The following KAT2A variants were observed in gnomAD, a reference collection of about 807,000 sequenced individuals.
KAT2A encodes histone acetyltransferase KAT2A.
A neutral mutation model predicts 95.2 loss-of-function variants in KAT2A; 42 were observed. The ratio of observed to expected loss-of-function variants is 0.44; its 90% CI spans 0.34 to 0.57. The LOEUF (loss-of-function observed/expected upper bound fraction) is 0.57, where lower values mean the gene tolerates loss of function less well. Among genes scored for constraint, KAT2A ranks in the 20% least tolerant of loss-of-function variants. KAT2A has a pLI of 0.01. For missense variants in KAT2A, 784 were observed against 1,126.3 expected (o/e 0.70, Z 4.35); for synonymous variants, 449 against 448.2 (o/e 1.00, Z -0.02).
rs1317710397 is a variant in KAT2A at position 42,114,256 on chromosome 17, A to G, written c.2198T>C (p.Leu733Pro). Residue 733 changes from leucine to proline, a missense_variant, in exon 16 of 18, where the codon CTC (leucine) becomes CCC (proline). This residue lies in a region of KAT2A where 195 missense variants were observed against 247.1 expected (regional missense o/e 0.79). Coordinates refer to ENST00000225916, the MANE Select transcript of KAT2A (RefSeq NM_021078.3). The surrounding 1 kb of genome is among the most constrained non-coding windows in gnomAD (Gnocchi z 6.0). ...CAGCAGGTTTTTGAGGGTTGTGTAG[A>G]GCTGGTCGGGGTCCTTCAGCTCCTT... Reference protein sequence around the residue: ...KGKELKDPDQLYTTLKNLLAQ... With the variant: ...KGKELKDPDQPYTTLKNLLAQ... 2 of 1,608,466 alleles carry G rather than the reference A, an allele frequency of 1.2e-6. No homozygotes were observed. Among genetic ancestry groups the G allele is most frequent in the Non-Finnish European group, 1.7e-6 (2 of 1,176,646 alleles).
At position 42,114,955 on chromosome 17, in the gene KAT2A, C is replaced by T; in HGVS notation, c.1956G>A (p.Glu652=). Residue 652 remains glutamate (E), a synonymous_variant, in exon 13 of 18, where the codon GAG becomes GAA. Transcript: ENST00000225916. This position sits in a 1 kb window ranked among gnomAD's most constrained non-coding sequence, Gnocchi z 6.0. ...IKDYEGATLM[E]CELNPRIPYT... is the part of the protein sequence containing the mutation. ...AGGGGATGCGGGGATTCAGCTCACA[C>T]TCCATCAGCGTCGCTCCCTCGTAGT... is the stretch of plus-strand genomic sequence containing the variant. The T allele has an allele frequency of 6.2e-7, 1 of 1,614,072 alleles. No individual in the cohort carries two copies. The highest frequency in any genetic ancestry group is 8.5e-7 in the Non-Finnish European group (1 of 1,179,972).
Position 42,117,190 on chromosome 17 carries a change from C to T in KAT2A, c.1638-29G>A, listed in dbSNP as rs1440095734. On this transcript the variant is annotated intron_variant, in intron 10 of 17. Transcript: ENST00000225916. The surrounding 1 kb of genome is among the most constrained non-coding windows in gnomAD (Gnocchi z 8.9). ...AGAGAGAGGGGGGCATGTCATAGCC[C>T]CTGACTGTCCCCTTCAGGTCCCCAG... The T allele has an allele frequency of 1.2e-5, 19 of 1,612,678 alleles. No homozygotes were observed. Among genetic ancestry groups the T allele is most frequent in the African/African-American group, 4.0e-5 (3 of 74,916 alleles).
In KAT2A at chr17:42,120,663, A is replaced by G. The variant is rs530120391; in HGVS notation, c.463+43T>C. 34 of 1,611,316 alleles carry G rather than the reference A, an allele frequency of 2.1e-5. 1 individual carries two copies. The South Asian group carries it at 3.7e-4, about 18-fold the overall frequency. ...GCACTTGTCACCCTGTCCAAGCAGGACCCAGCACCTGCCCCCAGCTCCAAG... is the reference window on the plus strand; with the variant it reads ...GCACTTGTCACCCTGTCCAAGCAGGGCCCAGCACCTGCCCCCAGCTCCAAG... On this transcript the variant is annotated intron_variant, in intron 2 of 17. Coordinates refer to ENST00000225916, the MANE Select transcript of KAT2A (RefSeq NM_021078.3).
rs1555665203 is a variant in KAT2A, at chr17:42,113,772, C to T, written c.2391G>A (p.Leu797=). ...CGCGACAGTTGGCGATGACCCGCTG[C>T]AGGTCGGCCACAAAGAGCTTCCGGG... is the stretch of plus-strand genomic sequence containing the variant. ...YVTRKLFVAD[L]QRVIANCREY... The change falls in exon 18 of 18, where the codon CTG becomes CTA. Residue 797 remains leucine (L), a synonymous_variant. Transcript: ENST00000225916. 1.9e-6 allele frequency: 3 copies of T among 1,610,250 alleles called. No homozygotes were observed. Among genetic ancestry groups the T allele is most frequent in the Non-Finnish European group, 2.5e-6 (3 of 1,178,676 alleles).
chr17:42,117,977 G>A lies in KAT2A; in HGVS notation c.1221C>T (p.Phe407=). The part of the protein sequence containing the change: ...SAAVVPSTPI[F]SPSMGGGSNS... ...TGCTGCCCCCACCCATGCTGGGGCTGAAGATGGGGGTGCTGGGAACAACCG... is the reference window on the plus strand; with the variant it reads ...TGCTGCCCCCACCCATGCTGGGGCTAAAGATGGGGGTGCTGGGAACAACCG... Residue 407 remains phenylalanine, a synonymous_variant, in exon 8 of 18, where the codon TTC becomes TTT. Coordinates refer to ENST00000225916, the MANE Select transcript of KAT2A (RefSeq NM_021078.3). The surrounding 1 kb of genome is among the most constrained non-coding windows in gnomAD (Gnocchi z 8.9). 6.2e-7 allele frequency: 1 copy of A among 1,607,980 alleles called. No individual in the cohort carries two copies. Among genetic ancestry groups the A allele is most frequent in the South Asian group, 1.1e-5 (1 of 90,502 alleles).
At position 42,121,103 on chromosome 17, in the gene KAT2A, C is replaced by T. The variant is rs782745282; in HGVS notation, c.202G>A (p.Gly68Arg). Residue 68 changes from glycine to arginine, a missense_variant, in exon 1 of 18, where the codon GGG (glycine) becomes AGG (arginine). Gly to Arg is a moderately radical substitution (Grantham distance 125). Transcript: ENST00000225916. ...TGTGGPGVGS[G>R]GAGSGGDPAR... ...GGATCCCCCCCGCTCCCGGCCCCCCCACTTCCTACCCCGGGCCCCCCAGTC... is the reference window on the plus strand; with the variant it reads ...GGATCCCCCCCGCTCCCGGCCCCCCTACTTCCTACCCCGGGCCCCCCAGTC... 59 of 1,532,226 alleles carry T rather than the reference C, an allele frequency of 3.9e-5. No homozygotes were observed. Among genetic ancestry groups the T allele is most frequent in the Non-Finnish European group, 4.9e-5 (56 of 1,140,632 alleles). The allele number at this position is 1,532,226 out of a possible 1,614,324, so 94.9% of individuals were successfully genotyped here. A position where few individuals can be genotyped will look rare whatever the true frequency, so the allele number is the denominator to read the frequency against.
At position 42,119,397 on chromosome 17, in the gene KAT2A, G is replaced by A. The variant is rs2054304586; in HGVS notation, c.921C>T (p.Ser307=). ...CATGAGTGGTTTCGTAGCGGGGGAG[G>A]CTATCACAGCTCTGGGGCACGTGGC... ...CYCHVPQSCD[S]LPRYETTHVF... Residue 307 remains serine (S), a synonymous_variant, in exon 6 of 18, where the codon AGC becomes AGT. Coordinates refer to ENST00000225916, the MANE Select transcript of KAT2A (RefSeq NM_021078.3). This position sits in a 1 kb window ranked among gnomAD's most constrained non-coding sequence, Gnocchi z 5.3. 3 of 1,613,834 alleles carry A rather than the reference G, an allele frequency of 1.9e-6. No homozygotes were observed. The African/African-American group carries it at 4.0e-5, about 22-fold the overall frequency.
chr17:42,119,351 G>A lies in KAT2A; in HGVS notation c.967C>T (p.Arg323Trp), dbSNP rs1555666795. The A allele has an allele frequency of 2.5e-6, 4 of 1,614,096 alleles. No homozygotes were observed. The highest frequency in any genetic ancestry group is 2.2e-5 in the East Asian group (1 of 44,882). ...CGGCGGGTAACGGTGAAAATGGACCGGAGAAGGCTTCGCCCAAAGACATGA... is the reference window on the plus strand; with the variant it reads ...CGGCGGGTAACGGTGAAAATGGACCAGAGAAGGCTTCGCCCAAAGACATGA... Reference protein sequence around the residue: ...TTHVFGRSLLRSIFTVTRRQL... With the variant: ...TTHVFGRSLLWSIFTVTRRQL... Residue 323 changes from arginine to tryptophan, a missense_variant, in exon 6 of 18, where the codon CGG (arginine) becomes TGG (tryptophan). This residue lies in a region of KAT2A where 208 missense variants were observed against 339.7 expected (regional missense o/e 0.61). Transcript: ENST00000225916. The surrounding 1 kb of genome is among the most constrained non-coding windows in gnomAD (Gnocchi z 5.3).
chr17:42,113,568 G>T lies in KAT2A; in HGVS notation c.*81C>A. On this transcript the variant is annotated 3_prime_UTR_variant, in exon 18 of 18. Transcript: ENST00000225916. ...GTGTCTCAAGCTGAGTCGGGTCCGT[G>T]GGGCCAGGGCACCCCCTAAGGATCA... 2 of 1,391,612 alleles carry T rather than the reference G, an allele frequency of 1.4e-6. No homozygotes were observed. The highest frequency in any genetic ancestry group is 2.0e-6 in the Non-Finnish European group (2 of 1,018,590). The allele number at this position is 1,391,612 out of a possible 1,614,324, so 86.2% of individuals were successfully genotyped here. A position where few individuals can be genotyped will look rare whatever the true frequency, so the allele number is the denominator to read the frequency against.
rs1340718474 is a variant in KAT2A at position 42,115,328 on chromosome 17, C to A, written c.1876-293G>T. Among the ~76,000 whole-genome samples, 7 of 128,946 alleles carry A rather than the reference C, an allele frequency of 5.4e-5. 1 individual carries two copies. Among genetic ancestry groups the A allele is most frequent in the African/African-American group, 2.1e-4 (7 of 33,490 alleles). 84.6% of individuals were successfully genotyped at this position (128,946 alleles called of 152,430 possible). ...AGTTCCTCCAGCCTCCTCTACTGGC[C>A]CCCCAGTTCCTCCAGCCTGCTCTTG... On this transcript the variant is annotated intron_variant, in intron 12 of 17. Coordinates refer to ENST00000225916, the MANE Select transcript of KAT2A (RefSeq NM_021078.3).
At chr17:42,116,118 AG>A (rs749547265) in intron 11 of KAT2A, among the ~76,000 whole-genome samples, 3 of 152,208 alleles carry the variant, frequency 2.0e-5, no homozygotes, top group African/African-American at 4.8e-5. Flanking sequence ...TTTATTTTAC[AG>A]AAGAGAAAAC....
rs782260639 is a variant in KAT2A, at chr17:42,119,398, C to T, written c.920G>A (p.Ser307Asn). ...CYCHVPQSCD[S>N]LPRYETTHVF... ...ATGAGTGGTTTCGTAGCGGGGGAGG[C>T]TATCACAGCTCTGGGGCACGTGGCA... Residue 307 changes from serine to asparagine, a missense_variant, in exon 6 of 18, where the codon AGC becomes AAC. By Grantham distance (46) the Ser-to-Asn change is conservative. This residue lies in a region of KAT2A where 208 missense variants were observed against 339.7 expected (regional missense o/e 0.61). Transcript: ENST00000225916. The surrounding 1 kb of genome is among the most constrained non-coding windows in gnomAD (Gnocchi z 5.3). 6.2e-7 allele frequency: 1 copy of T among 1,613,694 alleles called. No individual in the cohort carries two copies. The highest frequency in any genetic ancestry group is 1.7e-5 in the Admixed American group (1 of 59,974).
At chr17:42,118,994 T>A in intron 6 of KAT2A, 1 of 1,304,848 alleles carries the variant, frequency 7.7e-7, no homozygotes. Context: ...TGGGAAACAA[T>A]TAGTAACATC....
In KAT2A at chr17:42,118,029, G is replaced by GAT. The variant is rs2054284189; in HGVS notation, c.1181-13_1181-12insAT. 7.0e-7 allele frequency: 1 copy of GAT among 1,429,302 alleles called. No homozygotes were observed. The highest frequency in any genetic ancestry group is 9.5e-7 in the Non-Finnish European group (1 of 1,055,674). The allele number at this position is 1,429,302 out of a possible 1,614,324, so 88.5% of individuals were successfully genotyped here. The stretch of plus-strand genomic sequence containing the variant: ...TGCACTGACTGAAGCTGAGGAGAGA[G>GAT]AGAGACGTCAGGGATGGGGGGCTGA... On this transcript the variant is annotated splice_polypyrimidine_tract_variant and intron_variant, in intron 7 of 17. Coordinates refer to ENST00000225916, the MANE Select transcript of KAT2A (RefSeq NM_021078.3).
rs2054311945 is a variant in KAT2A, at chr17:42,119,917, T to C, written c.699+113A>G. ...GAGGTTAGCACAAAACACCCTTCCTTCTCTGAACCTCCCCAGTGTTCTCAG... is the reference window on the plus strand; with the variant it reads ...GAGGTTAGCACAAAACACCCTTCCTCCTCTGAACCTCCCCAGTGTTCTCAG... On this transcript the variant is annotated intron_variant, in intron 4 of 17. Transcript: ENST00000225916. This position sits in a 1 kb window ranked among gnomAD's most constrained non-coding sequence, Gnocchi z 5.3. 1.8e-6 allele frequency: 2 copies of C among 1,122,914 alleles called. No individual in the cohort carries two copies. Among genetic ancestry groups the C allele is most frequent in the Non-Finnish European group, 1.3e-6 (1 of 751,510 alleles). 69.6% of individuals were successfully genotyped at this position (1,122,914 alleles called of 1,614,324 possible).
chr17:42,117,939 C>G lies in KAT2A; in HGVS notation c.1259G>C (p.Ser420Thr). ...SMGGGSNSSL[S>T]LDSAGAEPMP... Reference sequence around the variant, plus strand: ...AGGCTCGGCCCCTGCAGAATCCAGACTCAGGGAGCTGTTGCTGCCCCCACC... The same window carrying G: ...AGGCTCGGCCCCTGCAGAATCCAGAGTCAGGGAGCTGTTGCTGCCCCCACC... The change falls in exon 8 of 18, where the codon AGT (serine) becomes ACT (threonine). Residue 420 changes from serine (S) to threonine (T), a missense_variant. Physicochemically the swap from Ser to Thr is moderately conservative, Grantham distance 58. Transcript: ENST00000225916. The surrounding 1 kb of genome is among the most constrained non-coding windows in gnomAD (Gnocchi z 8.9). The G allele has an allele frequency of 6.2e-7, 1 of 1,607,658 alleles. No individual in the cohort carries two copies. Among genetic ancestry groups the G allele is most frequent in the Non-Finnish European group, 8.5e-7 (1 of 1,175,820 alleles).
Position 42,117,384 on chromosome 17 carries a change from G to T in KAT2A, c.1637+4C>A, listed in dbSNP as rs782348623. ...CTGGGGGAGGGGCTCTCTGGGGGAC[G>T]CACGGGTCAAAGACGAGGCGGGCGA... On this transcript the variant is annotated splice_donor_region_variant and intron_variant, in intron 10 of 17. Transcript: ENST00000225916. This position sits in a 1 kb window ranked among gnomAD's most constrained non-coding sequence, Gnocchi z 8.9. The T allele has an allele frequency of 5.6e-6, 9 of 1,612,830 alleles. No individual in the cohort carries two copies. Among genetic ancestry groups the T allele is most frequent in the Non-Finnish European group, 5.9e-6 (7 of 1,179,478 alleles).
At position 42,119,294 on chromosome 17, in the gene KAT2A, C is replaced by T; in HGVS notation, c.1024G>A (p.Asp342Asn). 1 of 1,614,002 alleles carries T rather than the reference C, an allele frequency of 6.2e-7. No individual in the cohort carries two copies. Among genetic ancestry groups the T allele is most frequent in the Non-Finnish European group, 8.5e-7 (1 of 1,179,890 alleles). ...GTCCTCTTCTCGGGCACCAATTTGTCCTTCTCCACTCGGAACTTTTCCAGC... is the reference window on the plus strand; with the variant it reads ...GTCCTCTTCTCGGGCACCAATTTGTTCTTCTCCACTCGGAACTTTTCCAGC... ...QLLEKFRVEKDKLVPEKRTLI... is the reference protein window; with the variant it reads ...QLLEKFRVEKNKLVPEKRTLI... Residue 342 changes from aspartate (D) to asparagine (N), a missense_variant, in exon 6 of 18, where the codon GAC becomes AAC. By Grantham distance (23) the Asp-to-Asn change is conservative. This residue lies in a region of KAT2A where 208 missense variants were observed against 339.7 expected (regional missense o/e 0.61). Coordinates refer to ENST00000225916, the MANE Select transcript of KAT2A (RefSeq NM_021078.3). This position sits in a 1 kb window ranked among gnomAD's most constrained non-coding sequence, Gnocchi z 5.3.
rs2054312385 is a variant in KAT2A at position 42,119,966 on chromosome 17, G to C, written c.699+64C>G. On this transcript the variant is annotated intron_variant, in intron 4 of 17. Coordinates refer to ENST00000225916, the MANE Select transcript of KAT2A (RefSeq NM_021078.3). This position sits in a 1 kb window ranked among gnomAD's most constrained non-coding sequence, Gnocchi z 5.3. The stretch of plus-strand genomic sequence containing the variant: ...AGCTTGAGGAGAATGGAGAACACAG[G>C]CTCCCCACTCCTCCAAGCTGTCCCC... 2 of 1,380,044 alleles carry C rather than the reference G, an allele frequency of 1.4e-6. No individual in the cohort carries two copies. Among genetic ancestry groups the C allele is most frequent in the Non-Finnish European group, 2.1e-6 (2 of 969,420 alleles). The allele number at this position is 1,380,044 out of a possible 1,614,324, so 85.5% of individuals were successfully genotyped here.
Sources: gnomAD v4.1 joint callset for allele counts (sites outside exome capture counted in the v4.1 genomes callset) on GRCh38, gnomAD v4.1.1 for gene constraint, gnomAD v4.1.1 regional missense constraint, Gnocchi (gnomAD v3.1) non-coding constraint, MANE v1.5 for transcripts, NCBI Gene and HGNC (gene_info 2026-07-23, HGNC 2026-07-21) for gene names.